The following ELMOD2 variants were observed in gnomAD, a reference collection of about 807,000 sequenced individuals.
ELMOD2 encodes the protein ELMO domain-containing protein 2.
A neutral mutation model predicts 41.0 loss-of-function variants in ELMOD2; 28 were observed. The observed-to-expected ratio is 0.68, with a 90% confidence interval of 0.51 to 0.94. The LOEUF is 0.94. ELMOD2 is among the 40% of genes least tolerant of loss of function. ELMOD2 has a pLI of 0.00. For missense variants in ELMOD2, 333 were observed against 343.1 expected (o/e 0.97, Z 0.23); for synonymous variants, 106 against 107.2 (o/e 0.99, Z 0.07).
chr4:140,540,360 T>C, intron 6 of ELMOD2, 59 bp downstream of exon 6: 1 of 1,585,438 alleles, frequency 6.3e-7, no homozygotes, highest in South Asian at 1.1e-5. Flanking sequence ...ATCTCTGATC[T>C]AGTTACTTCT....
At position 140,552,279 on chromosome 4, in the gene ELMOD2, A is replaced by T. The variant is rs1412840418; in HGVS notation, c.*1904A>T. On this transcript the variant is annotated 3_prime_UTR_variant, in exon 9 of 9. Transcript: ENST00000323570. Reference sequence around the variant, plus strand: ...AGTAAAGAAGGGGAAAATTTTAAGTAAGTTTTTTCCCTTCTAGGAAGAAAA... The same window carrying T: ...AGTAAAGAAGGGGAAAATTTTAAGTTAGTTTTTTCCCTTCTAGGAAGAAAA... 6.6e-6 allele frequency: 1 copy of T among 152,082 alleles called. No individual in the cohort carries two copies. The highest frequency in any genetic ancestry group is 1.9e-4 in the East Asian group (1 of 5,204). The allele number at this position is 152,082 out of a possible 1,614,324, so 9.4% of individuals were successfully genotyped here.
chr4:140,546,881 C>T (rs1578776363), intron 8 of ELMOD2, among the ~76,000 whole-genome samples: 1 of 152,104 alleles, frequency 6.6e-6, no homozygotes, highest in Admixed American at 6.6e-5. Flanking sequence ...TGCCTCCTGT[C>T]AGCTCAATCT....
At chr4:140,538,763 G>T (rs1026806344) in intron 5 of ELMOD2, among the ~76,000 whole-genome samples, 2 of 152,152 alleles carry the variant, frequency 1.3e-5, no homozygotes, top group Non-Finnish European at 2.9e-5. Context: ...AATCTGTCTT[G>T]CTTTAAGTGT....
chr4:140,530,970 A>G (rs1234831137), intron 3 of ELMOD2, among the ~76,000 whole-genome samples: 2 of 152,184 alleles, frequency 1.3e-5, no homozygotes, highest in East Asian at 3.8e-4. Context: ...TCATACCCAC[A>G]TAGTTGTTTT....
At chr4:140,535,450 C>T (rs1734889229) in intron 3 of ELMOD2, 1 of 264,480 alleles carries the variant, frequency 3.8e-6, no homozygotes, top group South Asian at 7.0e-5. Flanking sequence ...TTCGTAAACA[C>T]TATGGTGGCA....
At chr4:140,531,984 A>G (rs1734762768) in intron 3 of ELMOD2, among the ~76,000 whole-genome samples, 1 of 152,196 alleles carries the variant, frequency 6.6e-6, no homozygotes, top group African/African-American at 2.4e-5. Flanking sequence ...AGGAAATAGA[A>G]TAGAAAGAAA....
chr4:140,524,189 G>T lies in ELMOD2; in HGVS notation c.-101G>T, dbSNP rs1030035310. 6.6e-6 allele frequency: 1 copy of T among 152,426 alleles called. No homozygotes were observed. Among genetic ancestry groups the T allele is most frequent in the East Asian group, 1.9e-4 (1 of 5,186 alleles). 9.4% of individuals were successfully genotyped at this position (152,426 alleles called of 1,614,324 possible). The stretch of plus-strand genomic sequence containing the variant: ...CCCTGACTTCCGGGTCGCGGTGCTT[G>T]AAGGGAGTGTTCCGTCGTTTCCGTT... On this transcript the variant is annotated 5_prime_UTR_variant, in exon 1 of 9. Coordinates refer to ENST00000323570, the MANE Select transcript of ELMOD2 (RefSeq NM_153702.4).
intron 5 of ELMOD2, 74 bp from the exon 6 acceptor site, chr4:140,540,094 T>A (rs376810766): frequency 6.6e-7 from 1 of 1,509,562 alleles, no homozygotes; most frequent in African/African-American, 1.4e-5. Context: ...ACAAAAGTTA[T>A]TTGATAGCAT....
chr4:140,531,658 A>T (rs192981948), intron 3 of ELMOD2, among the ~76,000 whole-genome samples: 1 of 152,232 alleles, frequency 6.6e-6, no homozygotes, highest in Non-Finnish European at 1.5e-5. Flanking sequence ...TTTTAATGCT[A>T]TAGTGATGCA....
chr4:140,537,269 G>T, intron 4 of ELMOD2, 143 bp from the exon 5 acceptor site: 1 of 615,110 alleles, frequency 1.6e-6, no homozygotes, highest in East Asian at 3.6e-5. Flanking sequence ...ATAATGTTTT[G>T]TATTTAAGGT....
chr4:140,535,905 A>T, intron 4 of ELMOD2, 75 bp downstream of exon 4: 2 of 1,328,490 alleles, frequency 1.5e-6, no homozygotes, highest in South Asian at 2.7e-5. Flanking sequence ...ACACTGTTGT[A>T]ACACTTTAGA....
intron 3 of ELMOD2, among the ~76,000 whole-genome samples, chr4:140,530,604 T>A (rs1191342321): frequency 1.3e-5 from 2 of 152,186 alleles, no homozygotes; most frequent in Non-Finnish European, 2.9e-5. Flanking sequence ...TATTCAAAAA[T>A]AGAAATTGCT....
chr4:140,524,601 T>C lies in ELMOD2; in HGVS notation c.-10+321T>C, dbSNP rs188913737. On this transcript the variant is annotated intron_variant, in intron 1 of 8. Coordinates refer to ENST00000323570, the MANE Select transcript of ELMOD2 (RefSeq NM_153702.4). ...CAACCCAGCTGTGCTATGCGCTCTT[T>C]CTGCACTGACCTGCGGGTACTTCGA... 1.1e-5 allele frequency: 11 copies of C among 985,480 alleles called. No homozygotes were observed. The African/African-American group carries it at 1.6e-4, about 14-fold the overall frequency. The allele number at this position is 985,480 out of a possible 1,614,324, so 61.0% of individuals were successfully genotyped here. A position where few individuals can be genotyped will look rare whatever the true frequency, so the allele number is the denominator to read the frequency against.
chr4:140,549,595 T>C (rs994137066), intron 8 of ELMOD2, among the ~76,000 whole-genome samples: 1 of 151,272 alleles, frequency 6.6e-6, no homozygotes, highest in Non-Finnish European at 1.5e-5. Context: ...TTTAACCTTA[T>C]CCAACATTTT....
chr4:140,530,255 C>T (rs1311451047), intron 3 of ELMOD2, among the ~76,000 whole-genome samples: 3 of 152,016 alleles, frequency 2.0e-5, no homozygotes, highest in African/African-American at 4.8e-5. Context: ...AAAATCATGC[C>T]AAGCTTAAGT....
At chr4:140,547,859 A>G (rs1377589255) in intron 8 of ELMOD2, among the ~76,000 whole-genome samples, 4 of 152,204 alleles carry the variant, frequency 2.6e-5, no homozygotes, top group Admixed American at 2.6e-4. Context: ...TCTGGACTCA[A>G]AAGGACAAAA....
chr4:140,541,245 TG>T (rs1236602061), intron 6 of ELMOD2, among the ~76,000 whole-genome samples: 1 of 152,172 alleles, frequency 6.6e-6, no homozygotes, highest in Non-Finnish European at 1.5e-5. Flanking sequence ...ATGTCTAGAA[TG>T]GGAAGGCTAG....
chr4:140,525,488 G>T lies in ELMOD2; in HGVS notation c.60G>T (p.Trp20Cys), dbSNP rs760015417. 3.1e-6 allele frequency: 5 copies of T among 1,613,938 alleles called. No homozygotes were observed. Among genetic ancestry groups the T allele is most frequent in the Non-Finnish European group, 4.2e-6 (5 of 1,179,930 alleles). ...ACTTTTTTCGATTTTGGATGAAATG[G>T]CTATTACGACAGATGACTGGGAAGT... is the stretch of plus-strand genomic sequence containing the variant. ...YGHFFRFWMKWLLRQMTGKCE... is the reference protein window; with the variant it reads ...YGHFFRFWMKCLLRQMTGKCE... The change falls in exon 2 of 9, where the codon TGG becomes TGT. Residue 20 changes from tryptophan to cysteine, a missense_variant. Physicochemically the swap from Trp to Cys is radical, Grantham distance 215 (BLOSUM62 -2). Transcript: ENST00000323570.
At chr4:140,536,016 G>A (rs1734914347) in intron 4 of ELMOD2, among the ~76,000 whole-genome samples, 186 bp downstream of exon 4, 1 of 152,146 alleles carries the variant, frequency 6.6e-6, no homozygotes, top group African/African-American at 2.4e-5. Context: ...ACTAGAACCT[G>A]TATCTCTTGG....
Sources: allele counts gnomAD v4.1 joint callset (sites outside exome capture counted in the v4.1 genomes callset), GRCh38; gene constraint gnomAD v4.1.1; transcripts MANE v1.5; gene names NCBI Gene and HGNC (gene_info 2026-07-23, HGNC 2026-07-21).